The following TARBP1 variants were observed in gnomAD, a reference collection of about 807,000 sequenced individuals.
The protein encoded by TARBP1 is tRNA (guanosine(18)-2'-O)-methyltransferase TARBP1.
TARBP1 carries 144 observed loss-of-function variants against 178.6 expected under a neutral mutation model. The observed-to-expected ratio is 0.81, with a 90% CI of 0.70 to 0.93. The LOEUF (loss-of-function observed/expected upper bound fraction) is 0.93, where lower values mean the gene tolerates loss of function less well. Among genes scored for constraint, TARBP1 ranks in the 40% least tolerant of loss-of-function variants. The probability of loss-of-function intolerance (pLI) is 0.00; values close to 1 mark genes in which losing one functional copy is unlikely to be tolerated. For missense variants in TARBP1, 2,067 were observed against 2,011.7 expected, an observed-to-expected ratio of 1.03 and a Z score of -0.53; for synonymous variants, 787 against 781.0, an observed-to-expected ratio of 1.01 and a Z score of -0.13.
At chr1:234,424,445 G>A (rs555076527) in intron 20 of TARBP1, among the ~76,000 whole-genome samples, 2 of 152,308 alleles carry the variant, frequency 1.3e-5, no homozygotes, top group African/African-American at 2.4e-5. Context: ...ATTTTCATCA[G>A]TCTTAGACAA....
chr1:234,443,345 G>T (rs4920242), intron 12 of TARBP1, among the ~76,000 whole-genome samples: 49,162 of 151,488 alleles, frequency 0.32, 8,138 homozygotes, highest in Admixed American at 0.43. Flanking sequence ...CTCATATAAT[G>T]TATAGTAGTA....
chr1:234,405,531 C>G (rs746079245), intron 24 of TARBP1: 33 of 181,344 alleles, frequency 1.8e-4, no homozygotes, highest in Non-Finnish European at 4.6e-5. Flanking sequence ...TTAGCTATAA[C>G]TAGTATAGCT....
chr1:234,454,499 C>T (rs897828318), intron 9 of TARBP1, among the ~76,000 whole-genome samples: 2 of 151,850 alleles, frequency 1.3e-5, no homozygotes, highest in East Asian at 1.9e-4. Context: ...CAAAGAAGAC[C>T]GGCCATGAGC....
Position 234,398,647 on chromosome 1 carries a change from T to G in TARBP1, c.4072-94A>C. The G allele has an allele frequency of 4.3e-6, 4 of 940,228 alleles. No homozygotes were observed. In the South Asian group the frequency reaches 7.2e-5, roughly 17 times the overall value. The allele number at this position is 940,228 out of a possible 1,614,324, so 58.2% of individuals were successfully genotyped here. A position where few individuals can be genotyped will look rare whatever the true frequency, so the allele number is the denominator to read the frequency against. On this transcript the variant is annotated intron_variant, in intron 25 of 29. Transcript: ENST00000040877. Reference sequence around the variant, plus strand: ...ATACAACTTAATTATTAATGATATATTCTCCAAACTATTACATCTGATCAA... The same window carrying G: ...ATACAACTTAATTATTAATGATATAGTCTCCAAACTATTACATCTGATCAA...
intron 13 of TARBP1, among the ~76,000 whole-genome samples, chr1:234,434,569 C>T (rs976197653): frequency 6.6e-6 from 1 of 152,138 alleles, no homozygotes; most frequent in African/African-American, 2.4e-5. Context: ...ACCTGGAGAA[C>T]CTCCTGTAGG....
chr1:234,476,621 G>C (rs1170994764), intron 1 of TARBP1, among the ~76,000 whole-genome samples: 1 of 152,166 alleles, frequency 6.6e-6, no homozygotes, highest in African/African-American at 2.4e-5. Flanking sequence ...AAAATCATAT[G>C]AAAAACTTGC....
At chr1:234,409,813 C>T (rs563134273) in intron 23 of TARBP1, among the ~76,000 whole-genome samples, 66 of 152,322 alleles carry the variant, frequency 4.3e-4, no homozygotes, top group Non-Finnish European at 6.9e-4. Flanking sequence ...TCAGTACATT[C>T]TTTTCTGTGG....
At chr1:234,439,003 C>T (rs529919931) in intron 12 of TARBP1, among the ~76,000 whole-genome samples, 2 of 152,226 alleles carry the variant, frequency 1.3e-5, no homozygotes, top group South Asian at 2.1e-4. Flanking sequence ...ATCTATCAAG[C>T]CAGGATTTTA....
At chr1:234,469,075 TTTAA>T (rs1302026430) in intron 3 of TARBP1, among the ~76,000 whole-genome samples, 2 of 59,622 alleles carry the variant, frequency 3.4e-5, no homozygotes, top group Non-Finnish European at 5.1e-5. Flanking sequence ...TTTTTTTTTT[TTTAA>T]AAAAAAAAAA....
In TARBP1 at chr1:234,474,274, ACACACAC is replaced by A. The variant is rs1558264837; in HGVS notation, c.932-1470_932-1464del. Among the ~76,000 whole-genome samples, 299 of 146,356 alleles carry A rather than the reference ACACACAC, an allele frequency of 2.0e-3. 3 individuals are homozygous for A. Among genetic ancestry groups the A allele is most frequent in the African/African-American group, 5.1e-3 (191 of 37,710 alleles). On this transcript the variant is annotated intron_variant, in intron 1 of 29. Coordinates refer to ENST00000040877, the MANE Select transcript of TARBP1 (RefSeq NM_005646.4). Reference sequence around the variant, plus strand: ...CACACACACACACACACACACACACACACACACACACACAAAGGGGACATTTAAAAAA... The same window carrying A: ...CACACACACACACACACACACACACAACACACAAAGGGGACATTTAAAAAA...
rs762942087 is a variant in TARBP1, at chr1:234,427,659, T to C, written c.3168A>G (p.Gln1056=). The C allele has an allele frequency of 3.2e-5, 51 of 1,590,344 alleles. No individual in the cohort carries two copies. Among genetic ancestry groups the C allele is most frequent in the Non-Finnish European group, 4.1e-5 (48 of 1,172,952 alleles). Residue 1056 remains glutamine, a synonymous_variant, in exon 18 of 30, where the codon CAA becomes CAG. Transcript: ENST00000040877. ...SWIVSASNVS[Q]GSLSSAKNYS... The stretch of plus-strand genomic sequence containing the variant: ...AATTTTTAGCACTTGATAAAGATCC[T>C]TGGGACACATTTGAAGCAGACACTA...
In TARBP1 at chr1:234,457,765, G is replaced by C. The variant is rs1041376051; in HGVS notation, c.1633-9C>G. 6.3e-7 allele frequency: 1 copy of C among 1,596,122 alleles called. No individual in the cohort carries two copies. The highest frequency in any genetic ancestry group is 1.4e-5 in the African/African-American group (1 of 73,924). ...GAAAGTGACACTTTCTCCTGGGCAG[G>C]GCAGGAAAGGTTTTAAAAATTACTC... is the stretch of plus-strand genomic sequence containing the variant. On this transcript the variant is annotated splice_polypyrimidine_tract_variant and intron_variant, in intron 8 of 29. Transcript: ENST00000040877.
rs1161070958 is a variant in TARBP1, at chr1:234,478,241, AGC to A, written c.861_862del (p.Leu288AlafsTer31). 1 of 1,610,628 alleles carries A rather than the reference AGC, an allele frequency of 6.2e-7. No individual in the cohort carries two copies. Among genetic ancestry groups the A allele is most frequent in the Non-Finnish European group, 8.5e-7 (1 of 1,179,156 alleles). ...CGCCGACACCTCCACCGCCCTCTGC[AGC>A]AGGTAGCGCGCTCGCTTGCGCGTCA... On this transcript the variant is annotated frameshift_variant, in exon 1 of 30. Transcript: ENST00000040877. LOFTEE classifies it high-confidence loss of function.
intron 2 of TARBP1, 101 bp downstream of exon 2, chr1:234,472,613 C>A: frequency 2.8e-6 from 2 of 705,934 alleles, no homozygotes; most frequent in Admixed American, 3.2e-5. Context: ...TCATCACCAG[C>A]TATATCTGAG....
At chr1:234,474,576 T>C (rs1462615790) in intron 1 of TARBP1, among the ~76,000 whole-genome samples, 2 of 152,162 alleles carry the variant, frequency 1.3e-5, no homozygotes, top group Admixed American at 6.5e-5. Flanking sequence ...CACACTTCCA[T>C]AGAGAGAAAC....
chr1:234,444,570 G>T (rs1047675920), intron 12 of TARBP1, among the ~76,000 whole-genome samples: 7 of 152,014 alleles, frequency 4.6e-5, no homozygotes. Context: ...TGCTCAGCAA[G>T]CCCAGCAATC....
In TARBP1 at chr1:234,478,699, A is replaced by T; in HGVS notation, c.405T>A (p.Pro135=). The T allele has an allele frequency of 8.3e-7, 1 of 1,206,744 alleles. No individual in the cohort carries two copies. The highest frequency in any genetic ancestry group is 1.0e-6 in the Non-Finnish European group (1 of 971,890). The allele number at this position is 1,206,744 out of a possible 1,614,324, so 74.8% of individuals were successfully genotyped here. A position where few individuals can be genotyped will look rare whatever the true frequency, so the allele number is the denominator to read the frequency against. The change falls in exon 1 of 30, where the codon CCT becomes CCA. Residue 135 remains proline (P), a synonymous_variant. Coordinates refer to ENST00000040877, the MANE Select transcript of TARBP1 (RefSeq NM_005646.4). ...LRDLLAGWRA[P]GAEAAVEVLA... ...GCACTTCCACGGCAGCCTCGGCGCCAGGCGCGCGCCACCCGGCGAGCAGAT... is the reference window on the plus strand; with the variant it reads ...GCACTTCCACGGCAGCCTCGGCGCCTGGCGCGCGCCACCCGGCGAGCAGAT...
At chr1:234,401,758 T>C (rs1241537365) in intron 24 of TARBP1, among the ~76,000 whole-genome samples, 3 of 152,148 alleles carry the variant, frequency 2.0e-5, no homozygotes, top group Non-Finnish European at 2.9e-5. Context: ...TTTCAAGACA[T>C]TTTTCTGGCA....
In TARBP1 at chr1:234,449,082, AG is replaced by A. The variant is rs79446793; in HGVS notation, c.1862-504del. Among the ~76,000 whole-genome samples the A allele has an allele frequency of 3.5e-3, 526 of 152,260 alleles. 14 individuals carry two copies. In the East Asian group the frequency reaches 0.075, roughly 22 times the overall value. On this transcript the variant is annotated intron_variant, in intron 10 of 29. Coordinates refer to ENST00000040877, the MANE Select transcript of TARBP1 (RefSeq NM_005646.4). ...CTAGACAGAAGGAAGAGCACATCAA[AG>A]GTCTTCTAGCAGAAGAAGGCATACC...
Sources: allele counts gnomAD v4.1 joint callset (sites outside exome capture counted in the v4.1 genomes callset), GRCh38; gene constraint gnomAD v4.1.1; transcripts MANE v1.5; gene names NCBI Gene and HGNC (gene_info 2026-07-23, HGNC 2026-07-21).